The following OSBPL9 variants were observed in gnomAD, a reference collection of about 807,000 sequenced individuals.
The protein encoded by OSBPL9 is oxysterol binding protein like 9, also known as oxysterol-binding protein-related protein 9.
Under a neutral mutation model 106.6 loss-of-function variants are expected in OSBPL9, and 40 were observed. That is an observed-to-expected ratio of 0.38 (90% CI 0.29 to 0.49). The LOEUF (loss-of-function observed/expected upper bound fraction) is 0.49, where lower values mean the gene tolerates loss of function less well. Among genes scored for constraint, OSBPL9 ranks in the 20% least tolerant of loss-of-function variants. OSBPL9 has a pLI of 0.97. For synonymous variants in OSBPL9, 269 were observed against 295.4 expected (o/e 0.91, Z 0.92); for missense variants, 609 against 887.2 (o/e 0.69, Z 3.98).
intron 2 of OSBPL9, among the ~76,000 whole-genome samples, chr1:51,653,647 A>G (rs753140575): frequency 2.6e-5 from 4 of 152,130 alleles, no homozygotes; most frequent in Non-Finnish European, 5.9e-5. Flanking sequence ...CCTAAGTCCT[A>G]TAGTTTTCTT....
chr1:51,535,813 C>T, the OSBPL9 span, among the ~76,000 whole-genome samples: 17 of 152,200 alleles, frequency 1.1e-4, no homozygotes, highest in Middle Eastern at 3.4e-3. Context: ...CCCACCCCGC[C>T]GCCCTTGTCT....
intron 2 of OSBPL9, among the ~76,000 whole-genome samples, chr1:51,662,618 T>C (rs1570896166): frequency 6.6e-6 from 1 of 152,160 alleles, no homozygotes. Context: ...AATAAGACTA[T>C]TATTCACAGC....
chr1:51,674,671 G>A (rs886663332), intron 3 of OSBPL9, among the ~76,000 whole-genome samples: 1 of 152,188 alleles, frequency 6.6e-6, no homozygotes, highest in African/African-American at 2.4e-5. Flanking sequence ...TTAGGTCAAC[G>A]ATGGACCACA....
the OSBPL9 span, among the ~76,000 whole-genome samples, chr1:51,551,055 C>G: frequency 6.6e-6 from 1 of 152,280 alleles, no homozygotes. Context: ...AATAAGGAAA[C>G]AGAAGCCCCA....
chr1:51,714,127 CT>C, intron 4 of OSBPL9, 48 bp downstream of exon 4: 6 of 1,348,570 alleles, frequency 4.4e-6, no homozygotes, highest in South Asian at 2.9e-5. Flanking sequence ...TTGTTGCTTT[CT>C]TTTTTTGTCT....
chr1:51,581,055 T>A (rs1369539325), intron 1 of OSBPL9, among the ~76,000 whole-genome samples: 1 of 146,836 alleles, frequency 6.8e-6, no homozygotes, highest in Non-Finnish European at 1.5e-5. Flanking sequence ...GTGATCCTCC[T>A]ACCTCAGGCA....
the OSBPL9 span, among the ~76,000 whole-genome samples, chr1:51,539,663 T>C: frequency 3.3e-5 from 5 of 152,188 alleles, no homozygotes; most frequent in Admixed American, 6.5e-5. Context: ...ACCTCAATTT[T>C]ACAGATAAGG....
intron 1 of OSBPL9, among the ~76,000 whole-genome samples, chr1:51,577,583 G>C (rs980466730): frequency 2.0e-5 from 3 of 151,990 alleles, no homozygotes; most frequent in African/African-American, 7.2e-5. Context: ...CTAGTCTCAG[G>C]CATTTCTTTA....
At chr1:51,630,438 G>A (rs1233423311) in intron 1 of OSBPL9, among the ~76,000 whole-genome samples, 2 of 151,996 alleles carry the variant, frequency 1.3e-5, no homozygotes, top group African/African-American at 4.8e-5. Flanking sequence ...GAATACTGTA[G>A]GCAATTGTAA....
intron 1 of OSBPL9, among the ~76,000 whole-genome samples, chr1:51,618,329 T>A (rs917571146): frequency 6.6e-6 from 1 of 152,186 alleles, no homozygotes; most frequent in Non-Finnish European, 1.5e-5. Flanking sequence ...TTGAATCTTA[T>A]GTTTTGACTA....
At chr1:51,573,054 A>C (rs1412451487), upstream of OSBPL9, among the ~76,000 whole-genome samples, 4 of 152,120 alleles carry the variant, frequency 2.6e-5, no homozygotes, top group Admixed American at 1.3e-4. Context: ...TCTACTAAAA[A>C]TACAAAAATT....
At chr1:51,541,622 C>G in the OSBPL9 span, among the ~76,000 whole-genome samples, 1 of 152,220 alleles carries the variant, frequency 6.6e-6, no homozygotes, top group Non-Finnish European at 1.5e-5. Context: ...AGTCCAGAAG[C>G]TGTGTTAGAG....
rs373265447 is a variant in OSBPL9, at chr1:51,786,565, A to G, written c.1948A>G (p.Ile650Val). 34 of 1,612,766 alleles carry G rather than the reference A, an allele frequency of 2.1e-5. No individual in the cohort carries two copies. The highest frequency in any genetic ancestry group is 2.8e-5 in the Non-Finnish European group (33 of 1,179,000). ...VFVDTKKLPIIKKKVRKLEDQ... is the reference protein window; with the variant it reads ...VFVDTKKLPIVKKKVRKLEDQ... ...TGTAGATACCAAGAAGTTGCCTATA[A>G]TCAAGAAGAAAGTGAGGAAGTTGGA... The change falls in exon 22 of 24, where the codon ATC (isoleucine) becomes GTC (valine). Residue 650 changes from isoleucine (I) to valine (V), a missense_variant. Physicochemically the swap from Ile to Val is conservative, Grantham distance 29 (BLOSUM62 3). Transcript: ENST00000428468.
At chr1:51,740,280 T>G in intron 4 of OSBPL9, 2 of 1,403,546 alleles carry the variant, frequency 1.4e-6, no homozygotes, top group African/African-American at 3.0e-5. Context: ...GTGATGCATG[T>G]CATCTCAAAT....
the OSBPL9 span, among the ~76,000 whole-genome samples, chr1:51,529,216 C>T: frequency 4.6e-5 from 7 of 150,866 alleles, no homozygotes; most frequent in African/African-American, 1.7e-4. Flanking sequence ...CAATGAAGAA[C>T]AAATTTGGAA....
intron 4 of OSBPL9, chr1:51,744,971 G>A (rs1448783829): frequency 1.3e-5 from 2 of 153,696 alleles, no homozygotes; most frequent in African/African-American, 4.8e-5. Flanking sequence ...ACTTGATTAG[G>A]ACAGGTGTTG....
At chr1:51,550,499 G>A in the OSBPL9 span, among the ~76,000 whole-genome samples, 9 of 152,070 alleles carry the variant, frequency 5.9e-5, no homozygotes, top group South Asian at 4.2e-4. Context: ...TAATACATAC[G>A]TTTTTATTTT....
intron 3 of OSBPL9, among the ~76,000 whole-genome samples, chr1:51,684,628 T>A (rs544735048): frequency 6.6e-6 from 1 of 151,404 alleles, no homozygotes; most frequent in African/African-American, 2.4e-5. Flanking sequence ...CCTTCCGGGT[T>A]CAAGTGATTC....
chr1:51,599,481 A>G (rs1010013625), intron 2 of OSBPL9, among the ~76,000 whole-genome samples: 3 of 152,156 alleles, frequency 2.0e-5, no homozygotes, highest in Non-Finnish European at 4.4e-5. Flanking sequence ...AAATGAATAG[A>G]TGAATTTTAA....
Sources: gnomAD v4.1 joint callset for allele counts (sites outside exome capture counted in the v4.1 genomes callset) on GRCh38, gnomAD v4.1.1 for gene constraint, MANE v1.5 for transcripts, NCBI Gene and HGNC (gene_info 2026-07-23, HGNC 2026-07-21) for gene names.